Variants in GRID2 observed in about 807,000 individuals in gnomAD.
GRID2 encodes the protein glutamate ionotropic receptor delta type subunit 2, also known as glutamate receptor ionotropic, delta-2.
Under a neutral mutation model 114.8 loss-of-function variants are expected in GRID2, and 33 were observed. The observed-to-expected ratio is 0.29, with a 90% confidence interval of 0.22 to 0.38. The LOEUF (loss-of-function observed/expected upper bound fraction) is 0.38. Ranked by LOEUF, GRID2 falls within the 10% of genes least tolerant of loss-of-function variation. GRID2 has a pLI of 1.00. For synonymous variants in GRID2, 505 were observed against 449.9 expected (o/e 1.12, Z -1.55); for missense variants, 1,184 against 1,257.7 (o/e 0.94, Z 0.89).
intron 2 of GRID2, among the ~76,000 whole-genome samples, chr4:92,722,787 TAGAGA>T (rs1735872693): frequency 6.6e-6 from 1 of 152,106 alleles, no homozygotes; most frequent in South Asian, 2.1e-4. Flanking sequence ...TAAGATTATT[TAGAGA>T]AAAGTCCCTA....
At chr4:93,468,094 C>T (rs1401988664) in intron 11 of GRID2, among the ~76,000 whole-genome samples, 3 of 152,122 alleles carry the variant, frequency 2.0e-5, no homozygotes, top group Non-Finnish European at 4.4e-5. Flanking sequence ...TGTCTGAATT[C>T]CTCTGTGATA....
At chr4:92,917,339 T>C (rs1390454923) in intron 2 of GRID2, among the ~76,000 whole-genome samples, 1 of 152,186 alleles carries the variant, frequency 6.6e-6, no homozygotes, top group Non-Finnish European at 1.5e-5. Context: ...TAGTTTCTTT[T>C]GCTGTGCAGA....
intron 8 of GRID2, among the ~76,000 whole-genome samples, chr4:93,253,016 G>A (rs9991748): frequency 0.71 from 107,284 of 151,378 alleles, 38,878 homozygotes; most frequent in Middle Eastern, 0.86. Context: ...TTGGGAGGCT[G>A]AGGCAGGCAG....
intron 2 of GRID2, among the ~76,000 whole-genome samples, chr4:92,951,316 CA>C (rs1437389101): frequency 1.3e-5 from 2 of 151,064 alleles, no homozygotes; most frequent in Non-Finnish European, 2.9e-5. Flanking sequence ...AATTGTTCTC[CA>C]AAAATTCGCA....
intron 2 of GRID2, among the ~76,000 whole-genome samples, chr4:92,946,577 T>C (rs1341402598): frequency 1.3e-5 from 2 of 152,138 alleles, no homozygotes; most frequent in East Asian, 3.8e-4. Flanking sequence ...TTGTTTGTAC[T>C]ACTATGCAAA....
At chr4:93,155,652 A>AT (rs1737113335) in intron 4 of GRID2, among the ~76,000 whole-genome samples, 1 of 151,940 alleles carries the variant, frequency 6.6e-6, no homozygotes, top group Non-Finnish European at 1.5e-5. Flanking sequence ...TGATAGCTGG[A>AT]AAGACACTGG....
intron 1 of GRID2, among the ~76,000 whole-genome samples, chr4:93,789,144 G>A (rs953784680): frequency 1.3e-5 from 2 of 152,048 alleles, no homozygotes; most frequent in African/African-American, 4.8e-5. Flanking sequence ...AAATACAAAA[G>A]CTTAGATAAA....
At chr4:92,492,919 A>G (rs781272738) in intron 1 of GRID2, among the ~76,000 whole-genome samples, 11 of 152,106 alleles carry the variant, frequency 7.2e-5, no homozygotes, top group Non-Finnish European at 1.0e-4. Context: ...ACTGGAGGTC[A>G]GGAGTTCAAG....
intron 1 of GRID2, among the ~76,000 whole-genome samples, chr4:92,577,092 G>A (rs1414529748): frequency 6.6e-6 from 1 of 152,070 alleles, no homozygotes; most frequent in African/African-American, 2.4e-5. Flanking sequence ...ATATTCGAAA[G>A]GGAACCATTG....
chr4:93,643,692 TG>T (rs1184597185), intron 14 of GRID2, among the ~76,000 whole-genome samples: 1 of 58,964 alleles, frequency 1.7e-5, no homozygotes, highest in East Asian at 3.2e-4. Flanking sequence ...AGCTGCTTGC[TG>T]GGAGAACCAC....
At chr4:93,368,387 A>G (rs1762545047) in intron 8 of GRID2, among the ~76,000 whole-genome samples, 1 of 142,384 alleles carries the variant, frequency 7.0e-6, no homozygotes. Context: ...GGGATATAGT[A>G]AGACTCTAAA....
At chr4:93,255,065 A>G (rs1296794879) in intron 8 of GRID2, among the ~76,000 whole-genome samples, 8 of 152,126 alleles carry the variant, frequency 5.3e-5, no homozygotes, top group Admixed American at 2.0e-4. Context: ...TCTCTTCCAG[A>G]TATTTTCTTT....
chr4:93,729,582 G>A, intron 14 of GRID2, among the ~76,000 whole-genome samples: 1 of 149,988 alleles, frequency 6.7e-6, no homozygotes, highest in African/African-American at 2.5e-5. Context: ...GTCTCACTTT[G>A]TTGCACAGGC....
rs1473082699 is a variant in GRID2, at chr4:93,515,351, G to A, written c.2133G>A (p.Met711Ile). The A allele has an allele frequency of 1.2e-6, 2 of 1,613,170 alleles. No individual in the cohort carries two copies. Among genetic ancestry groups the A allele is most frequent in the East Asian group, 4.5e-5 (2 of 44,814 alleles). ...GCATGTATTCCCAAATGTGGCGGAT[G>A]ATCAACCGAAGCAATGGATCGGAGA... is the stretch of plus-strand genomic sequence containing the variant. ...RDSMYSQMWR[M>I]INRSNGSENN... The change falls in exon 13 of 16, where the codon ATG becomes ATA. Residue 711 changes from methionine to isoleucine, a missense_variant. Met to Ile is a conservative substitution (Grantham distance 10). Around this residue, in one of 3 missense-constraint regions of GRID2, gnomAD observed 717 missense variants for 796.9 expected, o/e 0.90. Coordinates refer to ENST00000282020, the MANE Select transcript of GRID2 (RefSeq NM_001510.4).
intron 1 of GRID2, among the ~76,000 whole-genome samples, chr4:92,369,991 A>ACAC (rs1729045982): frequency 6.6e-6 from 1 of 152,084 alleles, no homozygotes; most frequent in Non-Finnish European, 1.5e-5. Flanking sequence ...ACTTCACTTT[A>ACAC]TTGCACTTTA....
chr4:92,587,103 T>TGGGG (rs1398220125), intron 1 of GRID2, among the ~76,000 whole-genome samples: 5 of 78,980 alleles, frequency 6.3e-5, no homozygotes, highest in African/African-American at 3.4e-4. Flanking sequence ...AAATGCTGTG[T>TGGGG]GTGTGTGTGT....
chr4:92,379,375 T>C (rs990356485), intron 1 of GRID2, among the ~76,000 whole-genome samples: 1 of 151,940 alleles, frequency 6.6e-6, no homozygotes, highest in African/African-American at 2.4e-5. Context: ...TATATGGAGA[T>C]ATGGAGAGTG....
At chr4:92,500,573 C>G (rs978340715) in intron 1 of GRID2, among the ~76,000 whole-genome samples, 2 of 152,022 alleles carry the variant, frequency 1.3e-5, no homozygotes, top group Non-Finnish European at 2.9e-5. Context: ...ACTTATTATT[C>G]CTGTCTTTTG....
At chr4:93,336,607 C>T (rs1411185893) in intron 8 of GRID2, among the ~76,000 whole-genome samples, 1 of 152,168 alleles carries the variant, frequency 6.6e-6, no homozygotes, top group Admixed American at 6.5e-5. Context: ...TGCAAATTCC[C>T]TAGGTGTTGA....
Sources: gnomAD v4.1 joint callset for allele counts (sites outside exome capture counted in the v4.1 genomes callset) on GRCh38, gnomAD v4.1.1 for gene constraint, gnomAD v4.1.1 regional missense constraint, MANE v1.5 for transcripts, NCBI Gene and HGNC (gene_info 2026-07-23, HGNC 2026-07-21) for gene names.